The following RBFOX1 variants were observed in gnomAD, a reference collection of about 807,000 sequenced individuals.
The protein encoded by RBFOX1 is RNA binding protein fox-1 homolog 1.
In RBFOX1, 8 loss-of-function variants were observed where a neutral mutation model predicts 57.7. That is an observed-to-expected ratio of 0.14 (90% CI 0.08 to 0.25). The LOEUF is 0.25. RBFOX1 is among the 10% of genes least tolerant of loss of function. The probability of loss-of-function intolerance (pLI) is 1.00; values close to 1 mark genes in which losing one functional copy is unlikely to be tolerated. For missense variants in RBFOX1, 611 were observed against 548.5 expected, an observed-to-expected ratio of 1.11 and a Z score of -1.14; for synonymous variants, 326 against 222.4, an observed-to-expected ratio of 1.47 and a Z score of -4.15.
chr16:6,992,797 C>G lies in RBFOX1; in HGVS notation c.-15-59260C>G, dbSNP rs28623103. On this transcript the variant is annotated intron_variant, in intron 3 of 15. Transcript: ENST00000550418. ...AGAGTTTTTGTGTATCATGACATGA[C>G]CAATGGCCATGGCCCAGAAAGGCTG... 3.7e-3 allele frequency among the ~76,000 whole-genome samples: 523 copies of G among 142,736 alleles called. 7 individuals carry two copies. The highest frequency in any genetic ancestry group is 0.013 in the African/African-American group (503 of 38,000). The allele number at this position is 142,736 out of a possible 152,430, so 93.6% of individuals were successfully genotyped here. A position where few individuals can be genotyped will look rare whatever the true frequency, so the allele number is the denominator to read the frequency against.
chr16:7,543,625 C>A (rs7200725), intron 5 of RBFOX1, among the ~76,000 whole-genome samples: 25,384 of 150,764 alleles, frequency 0.17, 2,695 homozygotes, highest in East Asian at 0.36. Flanking sequence ...GATTTCTTAA[C>A]AGCTGTATTT....
intron 1 of RBFOX1, among the ~76,000 whole-genome samples, chr16:5,402,226 G>A (rs1281064986): frequency 6.6e-6 from 1 of 152,134 alleles, no homozygotes; most frequent in Non-Finnish European, 1.5e-5. Flanking sequence ...CAGCGTACTG[G>A]AGAAGATCTG....
chr16:7,498,315 C>T (rs1356069791), intron 4 of RBFOX1, among the ~76,000 whole-genome samples: 1 of 152,108 alleles, frequency 6.6e-6, no homozygotes, highest in African/African-American at 2.4e-5. Context: ...TCAATCTTAG[C>T]TCTATTAATG....
chr16:6,434,814 T>C (rs1235804263), intron 2 of RBFOX1, among the ~76,000 whole-genome samples: 2 of 151,874 alleles, frequency 1.3e-5, no homozygotes, highest in Non-Finnish European at 2.9e-5. Flanking sequence ...CAATGTATTC[T>C]TCTCTTCCAA....
intron 4 of RBFOX1, among the ~76,000 whole-genome samples, chr16:7,419,651 GTTCTT>G (rs2098520485): frequency 6.6e-6 from 1 of 152,194 alleles, no homozygotes; most frequent in Admixed American, 6.5e-5. Context: ...GGACATGACA[GTTCTT>G]TTATCTTTCT....
At chr16:7,307,019 C>CTTGTT (rs1462074871) in intron 4 of RBFOX1, among the ~76,000 whole-genome samples, 3 of 152,124 alleles carry the variant, frequency 2.0e-5, no homozygotes, top group African/African-American at 7.2e-5. Context: ...AATCAGGCAA[C>CTTGTT]ATTTATGATA....
intron 4 of RBFOX1, among the ~76,000 whole-genome samples, chr16:7,312,388 GCAA>G (rs1412345852): frequency 2.0e-5 from 3 of 152,158 alleles, no homozygotes; most frequent in Admixed American, 1.3e-4. Flanking sequence ...CTCAACAGCA[GCAA>G]CAACAACAAT....
intron 4 of RBFOX1, among the ~76,000 whole-genome samples, chr16:7,417,043 A>C (rs1378932433): frequency 6.6e-6 from 1 of 151,984 alleles, no homozygotes; most frequent in Non-Finnish European, 1.5e-5. Context: ...TAAATGATTG[A>C]GTTCATTGTT....
chr16:6,669,504 G>T (rs1433168791), intron 3 of RBFOX1, among the ~76,000 whole-genome samples: 4 of 152,122 alleles, frequency 2.6e-5, no homozygotes, highest in Non-Finnish European at 1.5e-5. Context: ...ATTGCAGTAT[G>T]ATTGACAAGT....
chr16:5,749,536 C>T (rs1240157221), intron 3 of RBFOX1, among the ~76,000 whole-genome samples: 1 of 152,208 alleles, frequency 6.6e-6, no homozygotes, highest in African/African-American at 2.4e-5. Context: ...TTCACATAGT[C>T]CCATATTTCT....
chr16:7,650,523 C>A, intron 11 of RBFOX1, among the ~76,000 whole-genome samples: 1 of 152,072 alleles, frequency 6.6e-6, no homozygotes, highest in Admixed American at 6.5e-5. Flanking sequence ...GAAGAGGGTA[C>A]AAAATGGAAT....
chr16:5,775,239 C>A (rs949435713), intron 3 of RBFOX1, among the ~76,000 whole-genome samples: 1 of 152,172 alleles, frequency 6.6e-6, no homozygotes, highest in African/African-American at 2.4e-5. Context: ...CTTACTCAAC[C>A]ACCATAGCTG....
At chr16:6,858,416 T>C (rs2058304974) in intron 3 of RBFOX1, among the ~76,000 whole-genome samples, 1 of 152,190 alleles carries the variant, frequency 6.6e-6, no homozygotes, top group South Asian at 2.1e-4. Flanking sequence ...TCTTCTTTAA[T>C]TGTGGACTTG....
chr16:7,218,935 C>T (rs1054312631), intron 4 of RBFOX1, among the ~76,000 whole-genome samples: 4 of 152,062 alleles, frequency 2.6e-5, no homozygotes, highest in Admixed American at 1.3e-4. Flanking sequence ...TTTGGGCAGG[C>T]ATATGGTCTG....
chr16:7,683,553 A>G (rs1343695872), intron 14 of RBFOX1, among the ~76,000 whole-genome samples: 1 of 152,122 alleles, frequency 6.6e-6, no homozygotes, highest in African/African-American at 2.4e-5. Context: ...TCCAAGCCCA[A>G]CAGACCGTAG....
chr16:7,614,299 G>C (rs1315628919), intron 10 of RBFOX1: 2 of 152,162 alleles, frequency 1.3e-5, no homozygotes, highest in Admixed American at 1.3e-4. Context: ...TTGCACATCT[G>C]TTTACCTTTG....
chr16:7,216,854 G>C (rs1424178906), intron 4 of RBFOX1, among the ~76,000 whole-genome samples: 2 of 152,062 alleles, frequency 1.3e-5, no homozygotes, highest in African/African-American at 4.8e-5. Flanking sequence ...CCAAGTTCTA[G>C]TCATTTATTC....
intron 3 of RBFOX1, among the ~76,000 whole-genome samples, chr16:6,729,470 C>A (rs2068010234): frequency 6.6e-6 from 1 of 152,052 alleles, no homozygotes; most frequent in African/African-American, 2.4e-5. Context: ...AGGAGCCTTC[C>A]CAGCAATCCA....
chr16:7,618,482 A>G (rs978075037), intron 10 of RBFOX1, among the ~76,000 whole-genome samples: 1 of 152,160 alleles, frequency 6.6e-6, no homozygotes, highest in African/African-American at 2.4e-5. Context: ...GGTTTTCTCT[A>G]AATCTTTTAA....
Sources: allele counts gnomAD v4.1 joint callset (sites outside exome capture counted in the v4.1 genomes callset), GRCh38; gene constraint gnomAD v4.1.1; transcripts MANE v1.5; gene names NCBI Gene and HGNC (gene_info 2026-07-23, HGNC 2026-07-21).